Variants in GLUD1 observed in about 807,000 individuals in gnomAD.
GLUD1 encodes the protein glutamate dehydrogenase 1.
A neutral mutation model predicts 56.0 loss-of-function variants in GLUD1; 22 were observed. The observed-to-expected ratio is 0.39, with a 90% CI of 0.28 to 0.56. The LOEUF (loss-of-function observed/expected upper bound fraction) is 0.56. Ranked by LOEUF, GLUD1 falls within the 20% of genes least tolerant of loss-of-function variation. The pLI is 0.58. For synonymous variants in GLUD1, 223 were observed against 269.9 expected (o/e 0.83, Z 1.70); for missense variants, 451 against 732.0 (o/e 0.62, Z 4.43).
At chr10:87,056,215 TTATAAGA>T (rs1467089547) in intron 11 of GLUD1, among the ~76,000 whole-genome samples, 2 of 151,572 alleles carry the variant, frequency 1.3e-5, no homozygotes, top group African/African-American at 2.4e-5. Context: ...CTAAGATGTA[TTATAAGA>T]TATAAGTCAG....
chr10:87,085,348 C>CCA (rs1841356721), intron 1 of GLUD1, among the ~76,000 whole-genome samples: 1 of 112,642 alleles, frequency 8.9e-6, no homozygotes, highest in African/African-American at 3.1e-5. Context: ...ACTCCGTCTC[C>CCA]AAAAAAAAAA....
chr10:87,088,878 G>A (rs547102585), intron 1 of GLUD1, among the ~76,000 whole-genome samples: 1 of 152,286 alleles, frequency 6.6e-6, no homozygotes, highest in East Asian at 1.9e-4. Flanking sequence ...ACTACACACT[G>A]GTAGAGAAAT....
At chr10:87,085,215 G>A (rs1220877135) in intron 1 of GLUD1, among the ~76,000 whole-genome samples, 1 of 152,014 alleles carries the variant, frequency 6.6e-6, no homozygotes, top group Admixed American at 6.6e-5. Context: ...GCGTGGTGGT[G>A]CACACCTGTA....
intron 1 of GLUD1, among the ~76,000 whole-genome samples, chr10:87,077,651 T>C (rs1281902701): frequency 6.6e-6 from 1 of 151,522 alleles, no homozygotes; most frequent in Non-Finnish European, 1.5e-5. Context: ...GGGGTCTTGG[T>C]CAATTACTCT....
rs1845633485 is a variant in GLUD1, at chr10:87,051,639, C to A, written c.*112G>T. On this transcript the variant is annotated 3_prime_UTR_variant, in exon 13 of 13. Transcript: ENST00000277865. ...GGATTGACTTGTTGAGAATGGTATC[C>A]ATTATTAATGAGTCAGGAGAGAAAG... 1 of 1,165,042 alleles carries A rather than the reference C, an allele frequency of 8.6e-7. No individual in the cohort carries two copies. The highest frequency in any genetic ancestry group is 1.5e-5 in the African/African-American group (1 of 66,164). The allele number at this position is 1,165,042 out of a possible 1,614,324, so 72.2% of individuals were successfully genotyped here. A position where few individuals can be genotyped will look rare whatever the true frequency, so the allele number is the denominator to read the frequency against.
chr10:87,068,419 T>C (rs1322344866), intron 4 of GLUD1, among the ~76,000 whole-genome samples: 1 of 152,228 alleles, frequency 6.6e-6, no homozygotes, highest in Non-Finnish European at 1.5e-5. Flanking sequence ...ACAACAGATA[T>C]AAGCCACTCC....
chr10:87,064,535 C>G (rs995929357), intron 5 of GLUD1, among the ~76,000 whole-genome samples: 2 of 152,224 alleles, frequency 1.3e-5, no homozygotes, highest in Non-Finnish European at 2.9e-5. Flanking sequence ...TCACACCAAA[C>G]CCCTAACTCC....
chr10:87,093,900 T>A, intron 1 of GLUD1: 1 of 1,315,458 alleles, frequency 7.6e-7, no homozygotes, highest in Non-Finnish European at 9.9e-7. Flanking sequence ...TACCAGAAAA[T>A]AATTTGACAG....
chr10:87,073,078 A>G (rs551760569), intron 4 of GLUD1, among the ~76,000 whole-genome samples: 2 of 152,312 alleles, frequency 1.3e-5, no homozygotes, highest in East Asian at 3.9e-4. Context: ...CTGTATTTCT[A>G]TATTAGGTTA....
intron 1 of GLUD1, among the ~76,000 whole-genome samples, chr10:87,081,852 T>C (rs1271116938): frequency 6.6e-6 from 1 of 150,442 alleles, no homozygotes; most frequent in Non-Finnish European, 1.5e-5. Flanking sequence ...CCAGAGACCT[T>C]TGTTCACTTG....
At chr10:87,093,370 A>G (rs1000315964) in intron 1 of GLUD1, among the ~76,000 whole-genome samples, 5 of 152,104 alleles carry the variant, frequency 3.3e-5, no homozygotes, top group African/African-American at 9.7e-5. Flanking sequence ...TTTCCATTTT[A>G]TGTTACTAAA....
rs1423075857 is a variant in GLUD1 at position 87,094,338 on chromosome 10, C to A, written c.432G>T (p.Thr144=). 3.1e-6 allele frequency: 5 copies of A among 1,609,540 alleles called. No individual in the cohort carries two copies. The Admixed American group carries it at 6.7e-5, about 22-fold the overall frequency. ...GYRAQHSQHR[T]PCKGGIRYST... Reference sequence around the variant, plus strand: ...GCCGACGCTCACCTCCCTTGCAGGGCGTGCGGTGCTGGCTGTGCTGGGCCC... The same window carrying A: ...GCCGACGCTCACCTCCCTTGCAGGGAGTGCGGTGCTGGCTGTGCTGGGCCC... The change falls in exon 1 of 13, where the codon ACG becomes ACT. Residue 144 remains threonine (T), a synonymous_variant. Coordinates refer to ENST00000277865, the MANE Select transcript of GLUD1 (RefSeq NM_005271.5). This position sits in a 1 kb window ranked among gnomAD's most constrained non-coding sequence, Gnocchi z 6.6.
intron 8 of GLUD1, 64 bp downstream of exon 8, chr10:87,060,624 T>G: frequency 3.8e-6 from 6 of 1,598,814 alleles, no homozygotes; most frequent in Non-Finnish European, 5.1e-6. Context: ...ATCAGACTCT[T>G]CTATGACCCC....
rs151328461 is a variant in GLUD1, at chr10:87,068,825, C to T, written c.647-668G>A. Among the ~76,000 whole-genome samples, 39 of 152,058 alleles carry T rather than the reference C, an allele frequency of 2.6e-4. No homozygotes were observed. The East Asian group carries it at 7.3e-3, about 29-fold the overall frequency. On this transcript the variant is annotated intron_variant, in intron 4 of 12. Coordinates refer to ENST00000277865, the MANE Select transcript of GLUD1 (RefSeq NM_005271.5). ...AGCTTACAGGCAATAACAGGAATCA[C>T]TGACTATACTACTACTGACGGCTAC...
Position 87,051,813 on chromosome 10 carries a change from A to G in GLUD1, c.1615T>C (p.Tyr539His). The G allele has an allele frequency of 6.2e-7, 1 of 1,613,806 alleles. No homozygotes were observed. Among genetic ancestry groups the G allele is most frequent in the Non-Finnish European group, 8.5e-7 (1 of 1,179,914 alleles). The stretch of plus-strand genomic sequence containing the variant: ...AAGACTTTCTCAATGGCATTAACAT[A>G]GGCAGCTGTTCTCAGGTCCAATCCC... ...NLGLDLRTAA[Y>H]VNAIEKVFKV... Residue 539 changes from tyrosine to histidine, a missense_variant, in exon 13 of 13, where the codon TAT (tyrosine) becomes CAT (histidine). Physicochemically the swap from Tyr to His is moderately conservative, Grantham distance 83 (BLOSUM62 2). Coordinates refer to ENST00000277865, the MANE Select transcript of GLUD1 (RefSeq NM_005271.5).
At chr10:87,087,231 A>T (rs1244866862) in intron 1 of GLUD1, among the ~76,000 whole-genome samples, 1 of 152,198 alleles carries the variant, frequency 6.6e-6, no homozygotes, top group East Asian at 1.9e-4. Context: ...CCATGTCTGG[A>T]ATGTCCCCAC....
chr10:87,089,930 T>G (rs1009955675), intron 1 of GLUD1: 4 of 154,750 alleles, frequency 2.6e-5, no homozygotes, highest in African/African-American at 9.6e-5. Context: ...CTTTCGTTAC[T>G]ATTTGATTAT....
chr10:87,053,241 T>C, intron 12 of GLUD1, 101 bp downstream of exon 12: 2 of 801,042 alleles, frequency 2.5e-6, no homozygotes, highest in Non-Finnish European at 4.4e-6. Context: ...TTGAACAGAT[T>C]GATGTTTTCT....
chr10:87,058,911 T>C (rs1845859519), intron 10 of GLUD1, among the ~76,000 whole-genome samples: 2 of 152,128 alleles, frequency 1.3e-5, no homozygotes, highest in Non-Finnish European at 2.9e-5. Flanking sequence ...AAAAAAAATG[T>C]AGATTATATT....
Sources: gnomAD v4.1 joint callset for allele counts (sites outside exome capture counted in the v4.1 genomes callset) on GRCh38, gnomAD v4.1.1 for gene constraint, Gnocchi (gnomAD v3.1) non-coding constraint, MANE v1.5 for transcripts, NCBI Gene and HGNC (gene_info 2026-07-23, HGNC 2026-07-21) for gene names.